TINAG: variants seen among roughly 807,000 people sequenced by gnomAD.
TINAG encodes tubulointerstitial nephritis antigen.
In TINAG, 83 loss-of-function variants were observed where a neutral mutation model predicts 72.7. The ratio of observed to expected loss-of-function variants is 1.14; its 90% CI spans 0.96 to 1.37. TINAG has a LOEUF of 1.37. TINAG is among the 40% of genes most tolerant of loss of function. TINAG has a pLI of 0.00. For synonymous variants in TINAG, 234 were observed against 189.9 expected, an observed-to-expected ratio of 1.23 and a Z score of -1.91; for missense variants, 685 against 576.6, an observed-to-expected ratio of 1.19 and a Z score of -1.93.
rs76382919 is a variant in TINAG at position 54,354,823 on chromosome 6, G to T, written c.1250+187G>T. Among the ~76,000 whole-genome samples, 565 of 151,872 alleles carry T rather than the reference G, an allele frequency of 3.7e-3. 3 individuals carry two copies. The highest frequency in any genetic ancestry group is 0.013 in the African/African-American group (524 of 41,500). Reference sequence around the variant, plus strand: ...CAGTAAAAGGCTAACTCAGCATTCTGGGAAAAATGATCTTTTCCTACCTCT... The same window carrying T: ...CAGTAAAAGGCTAACTCAGCATTCTTGGAAAAATGATCTTTTCCTACCTCT... On this transcript the variant is annotated intron_variant, in intron 9 of 10. Transcript: ENST00000259782.
intron 1 of TINAG, among the ~76,000 whole-genome samples, 189 bp from the exon 2 acceptor site, chr6:54,320,390 T>A (rs2150935181): frequency 6.6e-6 from 1 of 152,240 alleles, no homozygotes; most frequent in Non-Finnish European, 1.5e-5. Flanking sequence ...ATAAAAGCAT[T>A]GAAACAAGCA....
Position 54,377,850 on chromosome 6 carries a change from G to A in TINAG, c.1251-2676G>A, listed in dbSNP as rs1460003730. On this transcript the variant is annotated intron_variant, in intron 9 of 10. Coordinates refer to ENST00000259782, the MANE Select transcript of TINAG (RefSeq NM_014464.4). ...AGAAGACAGGAACTCTTTCCTGTAA[G>A]TGAATAAAATGAGTAGCCTTCTGGT... is the stretch of plus-strand genomic sequence containing the variant. 2.6e-5 allele frequency among the ~76,000 whole-genome samples: 4 copies of A among 152,154 alleles called. No individual in the cohort carries two copies. The East Asian group carries it at 7.7e-4, about 29-fold the overall frequency.
chr6:54,360,872 T>TTTTTTTTTTTTTTTTTTTTTTTTC (rs1763213972), intron 9 of TINAG, among the ~76,000 whole-genome samples: 1 of 105,216 alleles, frequency 9.5e-6, no homozygotes, highest in East Asian at 2.3e-4. Flanking sequence ...TTTTTTTTTT[T>TTTTTTTTTTTTTTTTTTTTTTTTC]CAAATTGAAA....
chr6:54,314,981 CTTTTG>C (rs961751803), intron 1 of TINAG, among the ~76,000 whole-genome samples: 4 of 151,872 alleles, frequency 2.6e-5, no homozygotes, highest in Non-Finnish European at 4.4e-5. Flanking sequence ...AATTTTTTTT[CTTTTG>C]TTTTATCTTG....
At chr6:54,315,749 C>T (rs1384730210) in intron 1 of TINAG, among the ~76,000 whole-genome samples, 3 of 151,750 alleles carry the variant, frequency 2.0e-5, no homozygotes, top group Non-Finnish European at 2.9e-5. Context: ...AAACAGAGCT[C>T]GAGTGGATTT....
At chr6:54,361,173 G>T (rs986831497) in intron 9 of TINAG, among the ~76,000 whole-genome samples, 4 of 150,714 alleles carry the variant, frequency 2.7e-5, no homozygotes, top group Non-Finnish European at 5.9e-5. Flanking sequence ...CTTTTCCTTA[G>T]GCCTATCTAT....
chr6:54,328,067 G>T (rs1356347364), intron 4 of TINAG, among the ~76,000 whole-genome samples: 5 of 152,122 alleles, frequency 3.3e-5, no homozygotes, highest in African/African-American at 1.2e-4. Flanking sequence ...TTTCCTGTCT[G>T]CCAGATCTGA....
intron 1 of TINAG, among the ~76,000 whole-genome samples, chr6:54,316,540 G>C (rs994175760): frequency 1.3e-5 from 2 of 152,122 alleles, no homozygotes; most frequent in Non-Finnish European, 2.9e-5. Context: ...AACAACCCTG[G>C]GGGGTGGATT....
At position 54,360,056 on chromosome 6, in the gene TINAG, AAGG is replaced by A. The variant is rs68097956; in HGVS notation, c.1250+5425_1250+5427del. 8.8e-3 allele frequency among the ~76,000 whole-genome samples: 1,338 copies of A among 151,922 alleles called. 26 individuals are homozygous for A. The highest frequency in any genetic ancestry group is 0.052 in the East Asian group (269 of 5,132). On this transcript the variant is annotated intron_variant, in intron 9 of 10. Coordinates refer to ENST00000259782, the MANE Select transcript of TINAG (RefSeq NM_014464.4). ...TCAAGTGCCCAGAACTGGGAAATAC[AAGG>A]AGGATTGATTTATAGTCCTCCTCTT...
intron 5 of TINAG, 37 bp downstream of exon 5, chr6:54,343,386 C>A: frequency 7.0e-7 from 1 of 1,427,218 alleles, no homozygotes; most frequent in Non-Finnish European, 9.3e-7. Flanking sequence ...TTATAAACTA[C>A]TCCTTTTGGC....
chr6:54,324,416 C>T (rs898756145), intron 3 of TINAG, among the ~76,000 whole-genome samples: 11 of 152,116 alleles, frequency 7.2e-5, no homozygotes, highest in African/African-American at 9.7e-5. Context: ...ATGGGGCATA[C>T]GTGGAAGTTG....
intron 1 of TINAG, among the ~76,000 whole-genome samples, chr6:54,315,422 A>G (rs935879563): frequency 2.0e-5 from 3 of 152,100 alleles, no homozygotes; most frequent in Non-Finnish European, 2.9e-5. Flanking sequence ...TAATCCCAGC[A>G]CTTTGGAGGT....
At chr6:54,366,660 T>A (rs1480182075) in intron 9 of TINAG, among the ~76,000 whole-genome samples, 1 of 149,696 alleles carries the variant, frequency 6.7e-6, no homozygotes, top group Non-Finnish European at 1.5e-5. Flanking sequence ...AGTGTGTAGA[T>A]GGAGATAGGA....
At chr6:54,343,553 G>A (rs1347719592) in intron 5 of TINAG, among the ~76,000 whole-genome samples, 8 of 150,156 alleles carry the variant, frequency 5.3e-5, no homozygotes, top group Middle Eastern at 3.4e-3. Context: ...TTTATTTTAG[G>A]GTGAAATTTT....
At chr6:54,368,685 C>A (rs570841898) in intron 9 of TINAG, among the ~76,000 whole-genome samples, 2 of 151,606 alleles carry the variant, frequency 1.3e-5, no homozygotes, top group African/African-American at 4.8e-5. Context: ...TCATTGCTCT[C>A]ATTTTTCTCA....
chr6:54,312,441 G>T (rs1485528209), intron 1 of TINAG, among the ~76,000 whole-genome samples: 1 of 152,050 alleles, frequency 6.6e-6, no homozygotes. Context: ...ATTTATCACA[G>T]TAAAGCTGTC....
At chr6:54,338,667 T>A (rs1377001907) in intron 4 of TINAG, among the ~76,000 whole-genome samples, 1 of 132,872 alleles carries the variant, frequency 7.5e-6, no homozygotes, top group Non-Finnish European at 1.5e-5. Context: ...GAGGTTGCAG[T>A]GAGCCTAGAT....
chr6:54,345,252 G>A (rs983710665), intron 5 of TINAG, among the ~76,000 whole-genome samples: 1 of 152,140 alleles, frequency 6.6e-6, no homozygotes, highest in African/African-American at 2.4e-5. Flanking sequence ...AATATTTCAA[G>A]TGAATTTTAG....
At chr6:54,389,686 T>C (rs1378370457) in intron 10 of TINAG, 105 bp from the exon 11 acceptor site, 2 of 1,353,680 alleles carry the variant, frequency 1.5e-6, no homozygotes, top group African/African-American at 1.5e-5. Context: ...TTATAGTCTA[T>C]GATAAATCAA....
Sources: gnomAD v4.1 joint callset for allele counts (sites outside exome capture counted in the v4.1 genomes callset) on GRCh38, gnomAD v4.1.1 for gene constraint, MANE v1.5 for transcripts, NCBI Gene and HGNC (gene_info 2026-07-23, HGNC 2026-07-21) for gene names.